Variants in PSMG3 observed in about 807,000 individuals in gnomAD.
PSMG3 encodes proteasome assembly chaperone 3.
PSMG3 carries 4 observed loss-of-function variants against 7.9 expected under a neutral mutation model. The ratio of observed to expected loss-of-function variants is 0.51; its 90% CI spans 0.25 to 1.16. The LOEUF is 1.16. Among genes scored for constraint, PSMG3 ranks in the 50% most tolerant of loss-of-function variants. The pLI, the probability that PSMG3 is intolerant of heterozygous loss-of-function variation, is 0.15. For synonymous variants in PSMG3, 81 were observed against 69.8 expected (o/e 1.16, Z -0.80); for missense variants, 151 against 157.4 (o/e 0.96, Z 0.22).
At chr7:1,568,994 A>T in intron 1 of PSMG3, 130 bp downstream of exon 1, 1 of 714,660 alleles carries the variant, frequency 1.4e-6, no homozygotes, top group Non-Finnish European at 2.4e-6. Context: ...TTTTGTAGTG[A>T]CTTGTGTGTG....
intron 1 of PSMG3, among the ~76,000 whole-genome samples, chr7:1,568,453 T>TTTATTATTATTA (rs56016686): frequency 2.0e-5 from 3 of 147,964 alleles, no homozygotes; most frequent in African/African-American, 7.6e-5. Context: ...TCCTGACCAC[T>TTTATTATTATTA]TTATTATTAT....
rs1335694795 is a variant in PSMG3 at position 1,570,008 on chromosome 7, C to G, written c.-669G>C. On this transcript the variant is annotated 5_prime_UTR_variant, in exon 1 of 2. Transcript: ENST00000288607. The stretch of plus-strand genomic sequence containing the variant: ...GGAAGCCCGCGGGTACCCGCGCTCA[C>G]CAAGCCGGCGCCGCGCCCGGAAGTG... 2 of 152,028 alleles carry G rather than the reference C, an allele frequency of 1.3e-5. No homozygotes were observed. The highest frequency in any genetic ancestry group is 2.9e-5 in the Non-Finnish European group (2 of 67,990). 9.4% of individuals were successfully genotyped at this position (152,028 alleles called of 1,614,324 possible). A position where few individuals can be genotyped will look rare whatever the true frequency, so the allele number is the denominator to read the frequency against.
In PSMG3 at chr7:1,567,634, T is replaced by A. The variant is rs1240892503; in HGVS notation, c.*64A>T. 1 of 1,507,518 alleles carries A rather than the reference T, an allele frequency of 6.6e-7. No homozygotes were observed. The highest frequency in any genetic ancestry group is 2.3e-5 in the East Asian group (1 of 42,968). The allele number at this position is 1,507,518 out of a possible 1,614,324, so 93.4% of individuals were successfully genotyped here. ...ACCGGGGAGGGAGGTGAGACTTGAGTCCCTGAGTGGGTGTCTGGGTGTTCA... is the reference window on the plus strand; with the variant it reads ...ACCGGGGAGGGAGGTGAGACTTGAGACCCTGAGTGGGTGTCTGGGTGTTCA... On this transcript the variant is annotated 3_prime_UTR_variant, in exon 2 of 2. Coordinates refer to ENST00000288607, the MANE Select transcript of PSMG3 (RefSeq NM_032302.4).
chr7:1,569,163 C>T lies in PSMG3; in HGVS notation c.177G>A (p.Lys59=), dbSNP rs750579253. 5 of 1,613,596 alleles carry T rather than the reference C, an allele frequency of 3.1e-6. No individual in the cohort carries two copies. The highest frequency in any genetic ancestry group is 4.2e-6 in the Non-Finnish European group (5 of 1,180,044). The change falls in exon 1 of 2, where the codon AAG becomes AAA. Residue 59 remains lysine (K), a synonymous_variant. Coordinates refer to ENST00000288607, the MANE Select transcript of PSMG3 (RefSeq NM_032302.4). Reference sequence around the variant, plus strand: ...GAAGGACTTTTGTGGTGAGCACAGGCTTGCTGACGTCACTGGCCACGCTGC... The same window carrying T: ...GAAGGACTTTTGTGGTGAGCACAGGTTTGCTGACGTCACTGGCCACGCTGC... ...EPSSVASDVS[K]PVLTTKVLLG... is the part of the protein sequence containing the mutation.
chr7:1,569,295 C>T lies in PSMG3; in HGVS notation c.45G>A (p.Val15=), dbSNP rs544692613. 1 of 1,612,444 alleles carries T rather than the reference C, an allele frequency of 6.2e-7. No homozygotes were observed. The highest frequency in any genetic ancestry group is 1.3e-5 in the African/African-American group (1 of 74,908). The change falls in exon 1 of 2, where the codon GTG becomes GTA. Residue 15 remains valine (V), a synonymous_variant. Transcript: ENST00000288607. ...CCACCTGGGTGGGGACCCCGCACAC[C>T]ACCTCCGTCTTCTGCTTCGATATCA... ...PLVISKQKTE[V]VCGVPTQVVC...
rs1778839329 is a variant in PSMG3, at chr7:1,569,497, G to A, written c.-158C>T. ...CATTCAAAAGAAGGGGCCAGGCGCG[G>A]TGGCTCATGCCTGTCATCCCGGCAC... On this transcript the variant is annotated 5_prime_UTR_variant, in exon 1 of 2. Coordinates refer to ENST00000288607, the MANE Select transcript of PSMG3 (RefSeq NM_032302.4). 3.2e-6 allele frequency: 2 copies of A among 628,144 alleles called. No homozygotes were observed. The highest frequency in any genetic ancestry group is 1.8e-5 in the African/African-American group (1 of 54,314). The allele number at this position is 628,144 out of a possible 1,614,324, so 38.9% of individuals were successfully genotyped here.
chr7:1,569,877 C>T lies in PSMG3; in HGVS notation c.-538G>A, dbSNP rs1778856574. 6.6e-6 allele frequency: 1 copy of T among 152,046 alleles called. No individual in the cohort carries two copies. Among genetic ancestry groups the T allele is most frequent in the Non-Finnish European group, 1.5e-5 (1 of 68,022 alleles). 9.4% of individuals were successfully genotyped at this position (152,046 alleles called of 1,614,324 possible). On this transcript the variant is annotated 5_prime_UTR_variant, in exon 1 of 2. Transcript: ENST00000288607. ...ACACTGCCAGGCCGGGCAGTGGCTT[C>T]CCGCCCCTCGGCCTCGCCGCCGCCC...
At chr7:1,568,974 GC>G in intron 1 of PSMG3, 149 bp downstream of exon 1, 1 of 646,844 alleles carries the variant, frequency 1.5e-6, no homozygotes, top group South Asian at 1.8e-5. Flanking sequence ...TTTTGTGTAG[GC>G]ACTTGTTTTT....
Position 1,569,375 on chromosome 7 carries a change from A to G in PSMG3, c.-36T>C. The G allele has an allele frequency of 6.6e-7, 1 of 1,519,134 alleles. No individual in the cohort carries two copies. The allele number at this position is 1,519,134 out of a possible 1,614,324, so 94.1% of individuals were successfully genotyped here. ...TGCAGTGGCAGCTTTAATTTAGGTTAAAAAGAAAGGGGAAAAAAAGGAGTC... is the reference window on the plus strand; with the variant it reads ...TGCAGTGGCAGCTTTAATTTAGGTTGAAAAGAAAGGGGAAAAAAAGGAGTC... On this transcript the variant is annotated 5_prime_UTR_variant, in exon 1 of 2. Transcript: ENST00000288607.
chr7:1,569,410 G>C lies in PSMG3; in HGVS notation c.-71C>G. 7.6e-7 allele frequency: 1 copy of C among 1,309,868 alleles called. No homozygotes were observed. Among genetic ancestry groups the C allele is most frequent in the East Asian group, 2.5e-5 (1 of 39,482 alleles). 81.1% of individuals were successfully genotyped at this position (1,309,868 alleles called of 1,614,324 possible). A position where few individuals can be genotyped will look rare whatever the true frequency, so the allele number is the denominator to read the frequency against. ...GGGAAAAAAAGGAGTCAATCAAACA[G>C]TACAGCCTTGGGGCTCCCAAAAAAG... On this transcript the variant is annotated 5_prime_UTR_variant, in exon 1 of 2. The change creates a premature stop within an existing upstream ORF in the 5' untranslated region. Coordinates refer to ENST00000288607, the MANE Select transcript of PSMG3 (RefSeq NM_032302.4).
At position 1,569,433 on chromosome 7, in the gene PSMG3, AAGT is replaced by A; in HGVS notation, c.-97_-95del. Reference sequence around the variant, plus strand: ...CAGTACAGCCTTGGGGCTCCCAAAAAAGTAGCACGGGGCATTGAAACGGAAACG... The same window carrying A: ...CAGTACAGCCTTGGGGCTCCCAAAAAAGCACGGGGCATTGAAACGGAAACG... On this transcript the variant is annotated 5_prime_UTR_variant, in exon 1 of 2. Coordinates refer to ENST00000288607, the MANE Select transcript of PSMG3 (RefSeq NM_032302.4). 9.5e-7 allele frequency: 1 copy of A among 1,049,054 alleles called. No individual in the cohort carries two copies. The highest frequency in any genetic ancestry group is 1.3e-6 in the Non-Finnish European group (1 of 741,234). 65.0% of individuals were successfully genotyped at this position (1,049,054 alleles called of 1,614,324 possible).
At chr7:1,568,393 T>A (rs1715286888) in intron 1 of PSMG3, among the ~76,000 whole-genome samples, 1 of 152,050 alleles carries the variant, frequency 6.6e-6, no homozygotes, top group East Asian at 1.9e-4. Flanking sequence ...ATGTCCTTAC[T>A]GACAAATCAC....
Position 1,567,793 on chromosome 7 carries a change from T to C in PSMG3, c.274A>G (p.Asn92Asp). The change falls in exon 2 of 2, where the codon AAC (asparagine) becomes GAC (aspartate). Residue 92 changes from asparagine to aspartate, a missense_variant. Coordinates refer to ENST00000288607, the MANE Select transcript of PSMG3 (RefSeq NM_032302.4). The part of the protein sequence containing the change: ...LVAFVSQEAG[N>D]RAVLLAVAVK... ...GCCACGGCGAGGAGGACTGCTCTGT[T>C]TCCAGCTTCTTGAGACACAAACGCT... 6.2e-7 allele frequency: 1 copy of C among 1,614,176 alleles called. No individual in the cohort carries two copies. Among genetic ancestry groups the C allele is most frequent in the Non-Finnish European group, 8.5e-7 (1 of 1,180,012 alleles).
At chr7:1,568,740 C>T (rs867550126) in intron 1 of PSMG3, among the ~76,000 whole-genome samples, 14 of 152,064 alleles carry the variant, frequency 9.2e-5, no homozygotes, top group African/African-American at 3.1e-4. Context: ...CTCCGCCTCT[C>T]GGGTTCAAGC....
rs1778839329 is a variant in PSMG3 at position 1,569,497 on chromosome 7, G to T, written c.-158C>A. Reference sequence around the variant, plus strand: ...CATTCAAAAGAAGGGGCCAGGCGCGGTGGCTCATGCCTGTCATCCCGGCAC... The same window carrying T: ...CATTCAAAAGAAGGGGCCAGGCGCGTTGGCTCATGCCTGTCATCCCGGCAC... On this transcript the variant is annotated 5_prime_UTR_variant, in exon 1 of 2. Coordinates refer to ENST00000288607, the MANE Select transcript of PSMG3 (RefSeq NM_032302.4). The T allele has an allele frequency of 4.8e-6, 3 of 628,146 alleles. No homozygotes were observed. The highest frequency in any genetic ancestry group is 3.1e-5 in the Admixed American group (1 of 32,080). The allele number at this position is 628,146 out of a possible 1,614,324, so 38.9% of individuals were successfully genotyped here.
At chr7:1,568,475 T>TTAC (rs1778814941) in intron 1 of PSMG3, among the ~76,000 whole-genome samples, 2 of 151,294 alleles carry the variant, frequency 1.3e-5, no homozygotes, top group South Asian at 2.1e-4. Context: ...ATTATTATTA[T>TTAC]TATTATTAAA....
chr7:1,568,653 TC>T (rs1226346770), intron 1 of PSMG3, among the ~76,000 whole-genome samples: 1 of 149,462 alleles, frequency 6.7e-6, no homozygotes, highest in African/African-American at 2.5e-5. Flanking sequence ...CCTTTTCTTT[TC>T]CTTTTTTTTT....
At position 1,569,113 on chromosome 7, in the gene PSMG3, A is replaced by G; in HGVS notation, c.216+11T>C. Reference sequence around the variant, plus strand: ...AGGCGTGAGCCACAGTTCCCGGCCAATCCACTTTACCTCATCCTGCCCCAG... The same window carrying G: ...AGGCGTGAGCCACAGTTCCCGGCCAGTCCACTTTACCTCATCCTGCCCCAG... On this transcript the variant is annotated intron_variant, in intron 1 of 1. Transcript: ENST00000288607. 1 of 1,612,092 alleles carries G rather than the reference A, an allele frequency of 6.2e-7. No individual in the cohort carries two copies.
intron 1 of PSMG3, among the ~76,000 whole-genome samples, chr7:1,568,453 TTTATTA>T (rs56016686): frequency 6.5e-4 from 96 of 147,964 alleles, no homozygotes; most frequent in African/African-American, 1.8e-3. Context: ...TCCTGACCAC[TTTATTA>T]TTATTATTAT....
Sources: allele counts gnomAD v4.1 joint callset (sites outside exome capture counted in the v4.1 genomes callset), GRCh38; gene constraint gnomAD v4.1.1; transcripts MANE v1.5; gene names NCBI Gene and HGNC (gene_info 2026-07-23, HGNC 2026-07-21).